TRPM3: variants seen among roughly 807,000 people sequenced by gnomAD.
The protein encoded by TRPM3 is long transient receptor potential channel 3.
In TRPM3, 77 loss-of-function variants were observed where a neutral mutation model predicts 181.2. The ratio of observed to expected loss-of-function variants is 0.42; its 90% CI spans 0.35 to 0.51. TRPM3 has a LOEUF of 0.51. TRPM3 is among the 20% of genes least tolerant of loss of function. TRPM3 has a pLI of 0.01. For synonymous variants in TRPM3, 745 were observed against 796.4 expected, an observed-to-expected ratio of 0.94 and a Z score of 1.09; for missense variants, 1,759 against 2,196.7, an observed-to-expected ratio of 0.80 and a Z score of 3.98.
chr9:71,370,487 A>T (rs1344293781), intron 1 of TRPM3, among the ~76,000 whole-genome samples: 1 of 152,124 alleles, frequency 6.6e-6, no homozygotes, highest in East Asian at 1.9e-4. Flanking sequence ...GAAAAAAAAA[A>T]TCAAACCAGC....
At chr9:70,678,867 A>G (rs575062163) in intron 9 of TRPM3, among the ~76,000 whole-genome samples, 1 of 152,402 alleles carries the variant, frequency 6.6e-6, no homozygotes, top group East Asian at 1.9e-4. Flanking sequence ...GCCTCCGAAG[A>G]AGCCAGCAAA....
intron 1 of TRPM3, among the ~76,000 whole-genome samples, chr9:71,186,979 CT>C (rs1467419186): frequency 3.4e-4 from 51 of 152,082 alleles, no homozygotes; most frequent in Non-Finnish European, 3.4e-4. Flanking sequence ...GTGTATAATA[CT>C]TTATCATGTG....
intron 5 of TRPM3, among the ~76,000 whole-genome samples, chr9:70,834,436 C>A (rs1004403457): frequency 1.3e-5 from 2 of 152,152 alleles, no homozygotes; most frequent in African/African-American, 4.8e-5. Context: ...ACGGTTACAT[C>A]CTTTAGAAAT....
At chr9:71,145,131 C>G (rs1454288115) in intron 1 of TRPM3, among the ~76,000 whole-genome samples, 1 of 152,022 alleles carries the variant, frequency 6.6e-6, no homozygotes, top group East Asian at 1.9e-4. Flanking sequence ...GAAACTAGAA[C>G]AGCTGTTTAT....
intron 1 of TRPM3, among the ~76,000 whole-genome samples, chr9:70,934,474 A>G (rs1025127047): frequency 2.0e-5 from 3 of 152,214 alleles, no homozygotes; most frequent in Non-Finnish European, 4.4e-5. Context: ...GAATATGAGC[A>G]TATGTAAGAG....
chr9:71,414,484 G>A (rs966279881), intron 1 of TRPM3, among the ~76,000 whole-genome samples: 13 of 152,012 alleles, frequency 8.6e-5, no homozygotes, highest in Admixed American at 7.9e-4. Context: ...TTATTCTCTT[G>A]AACAGATCCA....
At position 70,625,776 on chromosome 9, in the gene TRPM3, CT is replaced by C. The variant is rs1185910821; in HGVS notation, c.1633-260del. On this transcript the variant is annotated intron_variant, in intron 12 of 25. Coordinates refer to ENST00000677713, the MANE Select transcript of TRPM3 (RefSeq NM_001366145.2). This position sits in a 1 kb window ranked among gnomAD's most constrained non-coding sequence, Gnocchi z 4.8. ...TTGATATCATTTGGTTTCTACCACC[CT>C]TTAAAGGAAGACTCCTTTCAGAAGA... 6.6e-6 allele frequency among the ~76,000 whole-genome samples: 1 copy of C among 152,194 alleles called. No individual in the cohort carries two copies. Among genetic ancestry groups the C allele is most frequent in the Non-Finnish European group, 1.5e-5 (1 of 68,042 alleles).
intron 4 of TRPM3, among the ~76,000 whole-genome samples, chr9:70,844,676 T>C (rs912141850): frequency 1.3e-5 from 2 of 152,224 alleles, no homozygotes; most frequent in Non-Finnish European, 2.9e-5. Flanking sequence ...ACTTTGGGTA[T>C]TGGATTGAAC....
chr9:70,798,532 C>T (rs563902060), intron 6 of TRPM3, among the ~76,000 whole-genome samples: 4 of 152,214 alleles, frequency 2.6e-5, no homozygotes, highest in African/African-American at 4.8e-5. Flanking sequence ...TTCTGCCTTG[C>T]TTTAAGGAGA....
intron 1 of TRPM3, among the ~76,000 whole-genome samples, chr9:71,055,661 GATGTAGACAGAAGTCCTAAGAGTTCAGA>G (rs1320419157): frequency 6.6e-6 from 1 of 152,002 alleles, no homozygotes; most frequent in African/African-American, 2.4e-5. Flanking sequence ...AGGAATTGGT[GATGTAGACAGAAGTCCTAAGAGTTCAGA>G]TCTTTATGCC....
rs545981171 is a variant in TRPM3, at chr9:71,052,523, T to C, written c.177+68655A>G. On this transcript the variant is annotated intron_variant, in intron 1 of 25. Transcript: ENST00000677713. ...GTGTGGAACCACAGAAGTGGTGGCA[T>C]GAGTGCTGCATGTTTCATGACGTTT... is the stretch of plus-strand genomic sequence containing the variant. Among the ~76,000 whole-genome samples, 9 of 152,302 alleles carry C rather than the reference T, an allele frequency of 5.9e-5. No individual in the cohort carries two copies. In the East Asian group the frequency reaches 1.7e-3, roughly 29 times the overall value.
chr9:70,597,722 C>T (rs1209266029), intron 21 of TRPM3, among the ~76,000 whole-genome samples: 1 of 152,076 alleles, frequency 6.6e-6, no homozygotes, highest in East Asian at 1.9e-4. Context: ...TTCAAGAATT[C>T]GATAAGAAGG....
intron 1 of TRPM3, among the ~76,000 whole-genome samples, chr9:70,952,560 C>T (rs1396051621): frequency 6.6e-6 from 1 of 152,172 alleles, no homozygotes; most frequent in Non-Finnish European, 1.5e-5. Flanking sequence ...ATTAATAAAA[C>T]ATGGTCAGTT....
At chr9:70,584,218 C>A (rs894280804) in intron 22 of TRPM3, among the ~76,000 whole-genome samples, 1 of 152,042 alleles carries the variant, frequency 6.6e-6, no homozygotes, top group Admixed American at 6.6e-5. Context: ...TATGAGTCCA[C>A]TTCCCCATTT....
intron 17 of TRPM3, among the ~76,000 whole-genome samples, chr9:70,618,279 T>G (rs372372310): frequency 1.1e-4 from 16 of 152,372 alleles, no homozygotes; most frequent in African/African-American, 3.8e-4. Flanking sequence ...TATAGGATAA[T>G]TTATACAGAC....
At chr9:70,898,997 T>C (rs945019743) in intron 1 of TRPM3, among the ~76,000 whole-genome samples, 1 of 152,118 alleles carries the variant, frequency 6.6e-6, no homozygotes, top group African/African-American at 2.4e-5. Context: ...ACAGAAATCA[T>C]ACACTATCCA....
chr9:71,117,783 G>A (rs1362239733), intron 1 of TRPM3, among the ~76,000 whole-genome samples: 1 of 151,990 alleles, frequency 6.6e-6, no homozygotes, highest in African/African-American at 2.4e-5. Flanking sequence ...TAATCATTTG[G>A]TCTTCATTAA....
chr9:70,832,099 A>G (rs560169072), intron 5 of TRPM3, among the ~76,000 whole-genome samples: 3 of 127,770 alleles, frequency 2.3e-5, no homozygotes. Context: ...CAATGAGAAC[A>G]CATGGACACA....
intron 6 of TRPM3, among the ~76,000 whole-genome samples, chr9:70,815,968 C>A (rs1440643990): frequency 6.6e-6 from 1 of 152,134 alleles, no homozygotes; most frequent in African/African-American, 2.4e-5. Context: ...GGTTTATTTT[C>A]AAAGTGCTTG....
Sources: gnomAD v4.1 joint callset for allele counts (sites outside exome capture counted in the v4.1 genomes callset) on GRCh38, gnomAD v4.1.1 for gene constraint, Gnocchi (gnomAD v3.1) non-coding constraint, MANE v1.5 for transcripts, NCBI Gene and HGNC (gene_info 2026-07-23, HGNC 2026-07-21) for gene names.